The following DTNA variants were observed in gnomAD, a reference collection of about 807,000 sequenced individuals.
DTNA encodes the protein dystrophin-related protein 3.
A neutral mutation model predicts 100.7 loss-of-function variants in DTNA; 43 were observed. That is an observed-to-expected ratio of 0.43 (90% CI 0.33 to 0.55). The LOEUF (loss-of-function observed/expected upper bound fraction) is 0.55, where lower values mean the gene tolerates loss of function less well. DTNA is among the 20% of genes least tolerant of loss of function. The probability of loss-of-function intolerance (pLI) is 0.04; values close to 1 mark genes in which losing one functional copy is unlikely to be tolerated. For synonymous variants in DTNA, 349 were observed against 347.9 expected (o/e 1.00, Z -0.04); for missense variants, 798 against 953.9 (o/e 0.84, Z 2.15).
chr18:34,627,826 T>C (rs1156593940), intron 1 of DTNA, among the ~76,000 whole-genome samples: 1 of 152,250 alleles, frequency 6.6e-6, no homozygotes, highest in Non-Finnish European at 1.5e-5. Context: ...AAAGATTTTC[T>C]TTAAAAATCT....
intron 1 of DTNA, among the ~76,000 whole-genome samples, chr18:34,498,110 G>A (rs1049169985): frequency 6.6e-6 from 1 of 151,790 alleles, no homozygotes; most frequent in Non-Finnish European, 1.5e-5. Context: ...GTGAAACCCC[G>A]TTTCTACTAA....
intron 1 of DTNA, among the ~76,000 whole-genome samples, chr18:34,582,041 C>T (rs1212066309): frequency 4.6e-5 from 7 of 152,076 alleles, no homozygotes; most frequent in African/African-American, 1.5e-4. Flanking sequence ...AATATGTTTT[C>T]CTACCTTAAT....
At chr18:34,666,006 C>T (rs938567374) in intron 1 of DTNA, among the ~76,000 whole-genome samples, 1 of 152,166 alleles carries the variant, frequency 6.6e-6, no homozygotes, top group African/African-American at 2.4e-5. Flanking sequence ...ACACTGTCTT[C>T]CACAATGGTT....
At chr18:34,831,031 C>T (rs1229489520) in intron 11 of DTNA, among the ~76,000 whole-genome samples, 1 of 152,184 alleles carries the variant, frequency 6.6e-6, no homozygotes, top group Non-Finnish European at 1.5e-5. Flanking sequence ...CCCTTCACTG[C>T]CCACAGCTCT....
intron 1 of DTNA, among the ~76,000 whole-genome samples, chr18:34,704,405 T>C (rs548534545): frequency 6.6e-6 from 1 of 152,294 alleles, no homozygotes; most frequent in East Asian, 1.9e-4. Flanking sequence ...GTATTCCAAG[T>C]CCCTGAATAC....
chr18:34,681,534 C>T (rs1484968558), intron 1 of DTNA, among the ~76,000 whole-genome samples: 2 of 152,050 alleles, frequency 1.3e-5, no homozygotes, highest in Admixed American at 6.6e-5. Context: ...ATCATCATGG[C>T]TTATGTGACA....
rs142225093 is a variant in DTNA at position 34,831,487 on chromosome 18, G to T, written c.1175+1998G>T. Among the ~76,000 whole-genome samples the T allele has an allele frequency of 1.2e-3, 178 of 152,324 alleles. No homozygotes were observed. In the Middle Eastern group the frequency reaches 0.014, roughly 12 times the overall value. ...TTAATTAATCATATTGTATTAGATG[G>T]CCGGGCAAGGTGGCTCACGCCTGTA... On this transcript the variant is annotated intron_variant, in intron 11 of 22. Coordinates refer to ENST00000444659, the MANE Select transcript of DTNA (RefSeq NM_001386795.1).
intron 1 of DTNA, among the ~76,000 whole-genome samples, chr18:34,609,399 C>T (rs2053789100): frequency 6.6e-6 from 1 of 151,936 alleles, no homozygotes; most frequent in Admixed American, 6.6e-5. Flanking sequence ...TACCCGCCAC[C>T]CCACCCGGCT....
At chr18:34,791,099 T>C (rs1347542134) in intron 3 of DTNA, among the ~76,000 whole-genome samples, 2 of 152,152 alleles carry the variant, frequency 1.3e-5, no homozygotes, top group African/African-American at 4.8e-5. Flanking sequence ...GGAACCCTTA[T>C]GTGGGCCACT....
chr18:34,674,059 C>T (rs948836342), intron 1 of DTNA, among the ~76,000 whole-genome samples: 1 of 152,174 alleles, frequency 6.6e-6, no homozygotes, highest in Non-Finnish European at 1.5e-5. Context: ...AGATGCACAA[C>T]CCCTTCTGAG....
intron 20 of DTNA, 22 bp from the exon 21 acceptor site, chr18:34,882,047 G>A (rs377270214): frequency 6.2e-7 from 1 of 1,614,028 alleles, no homozygotes; most frequent in African/African-American, 1.3e-5. Flanking sequence ...GCTCTAACAT[G>A]TCATCTGTGG....
chr18:34,698,170 C>G, intron 1 of DTNA, among the ~76,000 whole-genome samples: 1 of 152,164 alleles, frequency 6.6e-6, no homozygotes. Context: ...CCTGATGTGT[C>G]AACATTGTCT....
rs886053779 is a variant in DTNA, at chr18:34,867,838, C to G, written c.1743+3776C>G. ...CTTCCAGCTCCTCTCCACCAAGCCCCTCAGCAGCTTCTGCATCTCAGGGGG... is the reference window on the plus strand; with the variant it reads ...CTTCCAGCTCCTCTCCACCAAGCCCGTCAGCAGCTTCTGCATCTCAGGGGG... On this transcript the variant is annotated intron_variant, in intron 17 of 22. Transcript: ENST00000444659. 19 of 985,618 alleles carry G rather than the reference C, an allele frequency of 1.9e-5. No homozygotes were observed. The East Asian group carries it at 1.9e-3, about 100-fold the overall frequency. 61.1% of individuals were successfully genotyped at this position (985,618 alleles called of 1,614,324 possible).
At chr18:34,681,943 C>T (rs1029947720) in intron 1 of DTNA, among the ~76,000 whole-genome samples, 3 of 152,132 alleles carry the variant, frequency 2.0e-5, no homozygotes, top group African/African-American at 7.2e-5. Flanking sequence ...CCCTAACAAT[C>T]CTCTGTGCTC....
intron 1 of DTNA, among the ~76,000 whole-genome samples, chr18:34,568,903 G>A (rs146197477): frequency 1.1e-4 from 16 of 152,212 alleles, no homozygotes; most frequent in East Asian, 3.9e-4. Flanking sequence ...GACATGAGCC[G>A]CCACACCTGG....
At chr18:34,809,391 A>C (rs2095436049) in intron 5 of DTNA, among the ~76,000 whole-genome samples, 1 of 152,164 alleles carries the variant, frequency 6.6e-6, no homozygotes, top group Admixed American at 6.6e-5. Context: ...CAGGAGGCAG[A>C]GGTTGCGTGA....
At chr18:34,833,792 C>T (rs1235397728) in intron 11 of DTNA, among the ~76,000 whole-genome samples, 1 of 152,098 alleles carries the variant, frequency 6.6e-6, no homozygotes, top group Non-Finnish European at 1.5e-5. Flanking sequence ...AAGGTGTATC[C>T]CATGGTCAAG....
At chr18:34,629,740 C>G (rs2057823295) in intron 1 of DTNA, among the ~76,000 whole-genome samples, 1 of 152,150 alleles carries the variant, frequency 6.6e-6, no homozygotes, top group Admixed American at 6.6e-5. Flanking sequence ...CTCCCCAGTC[C>G]TTCATTTTCT....
intron 1 of DTNA, among the ~76,000 whole-genome samples, chr18:34,721,577 A>G (rs573259297): frequency 1.3e-5 from 2 of 152,366 alleles, no homozygotes; most frequent in South Asian, 4.1e-4. Flanking sequence ...CTTCTAACAT[A>G]TAAATGAGTA....
Sources: allele counts gnomAD v4.1 joint callset (sites outside exome capture counted in the v4.1 genomes callset), GRCh38; gene constraint gnomAD v4.1.1; transcripts MANE v1.5; gene names NCBI Gene and HGNC (gene_info 2026-07-23, HGNC 2026-07-21).